Variants in ZNF333 observed in about 807,000 individuals in gnomAD.
The protein encoded by ZNF333 is zinc finger protein 333.
A neutral mutation model predicts 76.1 loss-of-function variants in ZNF333; 61 were observed. The observed-to-expected ratio is 0.80, with a 90% CI of 0.65 to 0.99. The LOEUF is 0.99. ZNF333 is among the 50% of genes least tolerant of loss of function. ZNF333 has a pLI of 0.00. For missense variants in ZNF333, 717 were observed against 822.4 expected (o/e 0.87, Z 1.57); for synonymous variants, 284 against 305.0 (o/e 0.93, Z 0.72).
At chr19:14,704,452 T>C (rs1449521904) in intron 5 of ZNF333, among the ~76,000 whole-genome samples, 1 of 152,168 alleles carries the variant, frequency 6.6e-6, no homozygotes, top group Non-Finnish European at 1.5e-5. Flanking sequence ...ACTTGGCTAA[T>C]TTTTGTATTT....
At chr19:14,716,783 G>C (rs1456078091) in intron 9 of ZNF333, among the ~76,000 whole-genome samples, 4 of 152,192 alleles carry the variant, frequency 2.6e-5, no homozygotes, top group Admixed American at 6.5e-5. Context: ...CCTTGGTTTT[G>C]TAGACCGGAG....
At chr19:14,703,137 G>A (rs376654951) in intron 5 of ZNF333, among the ~76,000 whole-genome samples, 86 of 151,276 alleles carry the variant, frequency 5.7e-4, no homozygotes, top group African/African-American at 2.0e-3. Context: ...CCCAGGGGGC[G>A]GAGCTTGCAG....
rs768157733 is a variant in ZNF333 at position 14,706,753 on chromosome 19, C to T, written c.491C>T (p.Pro164Leu). The T allele has an allele frequency of 5.0e-6, 8 of 1,613,652 alleles. No homozygotes were observed. Among genetic ancestry groups the T allele is most frequent in the Non-Finnish European group, 6.8e-6 (8 of 1,179,900 alleles). Reference sequence around the variant, plus strand: ...GTGCCTACTCTGGGCCACCGCAACCCATGGGTGGCCAGGGATTCTGGTGAG... The same window carrying T: ...GTGCCTACTCTGGGCCACCGCAACCTATGGGTGGCCAGGGATTCTGGTGAG... ...IPVPTLGHRN[P>L]WVARDSAVPA... Residue 164 changes from proline to leucine, a missense_variant, in exon 7 of 12, where the codon CCA becomes CTA. Pro to Leu is a moderately conservative substitution (Grantham distance 98). Coordinates refer to ENST00000292530, the MANE Select transcript of ZNF333 (RefSeq NM_032433.4).
At chr19:14,695,976 C>T (rs922125772) in intron 4 of ZNF333, among the ~76,000 whole-genome samples, 7 of 152,092 alleles carry the variant, frequency 4.6e-5, no homozygotes, top group Non-Finnish European at 1.0e-4. Flanking sequence ...GTCAGGAGTT[C>T]GAGACCAGCC....
intron 1 of ZNF333, among the ~76,000 whole-genome samples, chr19:14,693,111 A>G (rs1315619071): frequency 6.6e-6 from 1 of 152,094 alleles, no homozygotes; most frequent in Non-Finnish European, 1.5e-5. Flanking sequence ...GTGAGACTCA[A>G]AAAAAAAGGT....
intron 4 of ZNF333, among the ~76,000 whole-genome samples, chr19:14,697,615 C>T (rs1973315001): frequency 6.6e-6 from 1 of 152,072 alleles, no homozygotes; most frequent in Non-Finnish European, 1.5e-5. Context: ...CCCACCTTGG[C>T]CTCCCAGAGT....
chr19:14,708,671 A>G lies in ZNF333; in HGVS notation c.511+1898A>G, dbSNP rs1447771048. 9.8e-6 allele frequency: 3 copies of G among 306,070 alleles called. No individual in the cohort carries two copies. In the East Asian group the frequency reaches 1.6e-4, roughly 16 times the overall value. The allele number at this position is 306,070 out of a possible 1,614,324, so 19.0% of individuals were successfully genotyped here. A position where few individuals can be genotyped will look rare whatever the true frequency, so the allele number is the denominator to read the frequency against. On this transcript the variant is annotated intron_variant, in intron 7 of 11. Coordinates refer to ENST00000292530, the MANE Select transcript of ZNF333 (RefSeq NM_032433.4). ...GCAGCATCCCTGGCCTCAACTCACT[A>G]GATGCTACGAGCACTTTTCCTCTAT...
chr19:14,710,855 C>T (rs1010905072), intron 7 of ZNF333, among the ~76,000 whole-genome samples: 5 of 152,072 alleles, frequency 3.3e-5, no homozygotes, highest in East Asian at 1.9e-4. Flanking sequence ...ACAAGAAGCA[C>T]GGCACCAACA....
intron 4 of ZNF333, among the ~76,000 whole-genome samples, chr19:14,697,771 G>T (rs10401494): frequency 6.6e-6 from 1 of 152,042 alleles, no homozygotes; most frequent in Non-Finnish European, 1.5e-5. Context: ...AGCAACTGTC[G>T]TACCACTTTC....
chr19:14,706,443 G>A, intron 6 of ZNF333: 1 of 515,614 alleles, frequency 1.9e-6, no homozygotes, highest in Non-Finnish European at 3.5e-6. Context: ...GAGCCTCCTT[G>A]GAGGGTGCCA....
At chr19:14,699,090 TGTGTGTATA>T (rs1973491241) in intron 4 of ZNF333, 100 bp from the exon 5 acceptor site, 2 of 724,424 alleles carry the variant, frequency 2.8e-6, no homozygotes, top group Admixed American at 4.7e-5. Flanking sequence ...AAAAAGCCTA[TGTGTGTATA>T]GTGTGTATAT....
chr19:14,731,088 G>GC, intron 11 of ZNF333: 1 of 1,205,914 alleles, frequency 8.3e-7, no homozygotes, highest in Non-Finnish European at 1.2e-6. Flanking sequence ...CGCCCCTCCT[G>GC]CCCCCTCCCC....
At chr19:14,731,254 TC>T in exon 12 of ZNF333, 1 of 1,437,464 alleles carries the variant, frequency 7.0e-7, no homozygotes. Context: ...CCTCTGGATA[TC>T]AAAGGATCAC....
At position 14,721,609 on chromosome 19, in the gene ZNF333, T is replaced by C. The variant is rs963104384; in HGVS notation, c.*2284T>C. On this transcript the variant is annotated 3_prime_UTR_variant, in exon 12 of 12. Coordinates refer to ENST00000292530, the MANE Select transcript of ZNF333 (RefSeq NM_032433.4). ...GTTGTATTATCAGTAGTTTATGCTT[T>C]TTAATTGCTGTGTAATAGTCCATAG... 2 of 152,230 alleles carry C rather than the reference T, an allele frequency of 1.3e-5. No homozygotes were observed. The highest frequency in any genetic ancestry group is 4.8e-5 in the African/African-American group (2 of 41,456). 9.4% of individuals were successfully genotyped at this position (152,230 alleles called of 1,614,324 possible). A position where few individuals can be genotyped will look rare whatever the true frequency, so the allele number is the denominator to read the frequency against.
Position 14,717,061 on chromosome 19 carries a change from CA to C in ZNF333, c.796del (p.Arg266GlyfsTer33), listed in dbSNP as rs1231479766. On this transcript the variant is annotated frameshift_variant, in exon 10 of 12. Coordinates refer to ENST00000292530, the MANE Select transcript of ZNF333 (RefSeq NM_032433.4). LOFTEE classifies it high-confidence loss of function. ...EERGEQWTTD[R>X]GVLSDTCAEP... ...AAAGAGGAGAGCAGTGGACCACTGA[CA>C]GGGGCGTCCTCTCAGACACCTGTGC... 3.1e-6 allele frequency: 5 copies of C among 1,609,880 alleles called. No homozygotes were observed. The South Asian group carries it at 3.3e-5, about 11-fold the overall frequency.
chr19:14,695,298 G>T (rs1356325730), intron 3 of ZNF333, among the ~76,000 whole-genome samples, 165 bp downstream of exon 3: 1 of 152,154 alleles, frequency 6.6e-6, no homozygotes, highest in Non-Finnish European at 1.5e-5. Context: ...CTGTAGTAAG[G>T]CCCTGTTTGG....
In ZNF333 at chr19:14,693,836, C is replaced by T. The variant is rs532316964; in HGVS notation, c.3+342C>T. 1.2e-3 allele frequency among the ~76,000 whole-genome samples: 186 copies of T among 152,050 alleles called. 2 individuals are homozygous for T. The Middle Eastern group carries it at 0.051, about 42-fold the overall frequency. On this transcript the variant is annotated intron_variant, in intron 2 of 11. Transcript: ENST00000292530. ...TTAATTAAGATTCAGTACATTTAGC[C>T]GGGCATGGTTGTGTGTGCCTGGAAT...
rs540185331 is a variant in ZNF333 at position 14,698,419 on chromosome 19, CCTGTAATCCCAGCTACTTGGGA to C, written c.224-779_224-758del. Among the ~76,000 whole-genome samples, 283 of 150,862 alleles carry C rather than the reference CCTGTAATCCCAGCTACTTGGGA, an allele frequency of 1.9e-3. 3 individuals are homozygous for C. The highest frequency in any genetic ancestry group is 6.7e-3 in the African/African-American group (276 of 40,966). On this transcript the variant is annotated intron_variant, in intron 4 of 11. Coordinates refer to ENST00000292530, the MANE Select transcript of ZNF333 (RefSeq NM_032433.4). ...AATTAGCTGGGCATGGTGGTGCATG[CCTGTAATCCCAGCTACTTGGGA>C]GGCTGAGGCACAAGAATTGCTTGAA...
chr19:14,697,135 C>G (rs1170319204), intron 4 of ZNF333, among the ~76,000 whole-genome samples: 1 of 152,160 alleles, frequency 6.6e-6, no homozygotes, highest in East Asian at 1.9e-4. Flanking sequence ...ACAGCAGTAT[C>G]TGTCTTCTTT....
Sources: gnomAD v4.1 joint callset for allele counts (sites outside exome capture counted in the v4.1 genomes callset) on GRCh38, gnomAD v4.1.1 for gene constraint, MANE v1.5 for transcripts, NCBI Gene and HGNC (gene_info 2026-07-23, HGNC 2026-07-21) for gene names.